Variants in KALRN observed in about 807,000 individuals in gnomAD.
The protein encoded by KALRN is kalirin RhoGEF kinase.
In KALRN, 70 loss-of-function variants were observed where a neutral mutation model predicts 353.7. The ratio of observed to expected loss-of-function variants is 0.20; its 90% CI spans 0.16 to 0.24. The LOEUF (loss-of-function observed/expected upper bound fraction) is 0.24, where lower values mean the gene tolerates loss of function less well. Among genes scored for constraint, KALRN ranks in the 10% least tolerant of loss-of-function variants. The pLI is 1.00. For synonymous variants in KALRN, 1,391 were observed against 1,434.8 expected, an observed-to-expected ratio of 0.97 and a Z score of 0.69; for missense variants, 2,791 against 3,756.7, an observed-to-expected ratio of 0.74 and a Z score of 6.72.
At chr3:124,543,544 G>A (rs534876413) in intron 33 of KALRN, among the ~76,000 whole-genome samples, 144 of 152,018 alleles carry the variant, frequency 9.5e-4, no homozygotes, top group African/African-American at 3.0e-3. Context: ...CTCTTGATCC[G>A]CCCACCTCGG....
chr3:124,137,347 G>C (rs116598040), intron 1 of KALRN, among the ~76,000 whole-genome samples: 1 of 152,168 alleles, frequency 6.6e-6, no homozygotes, highest in Non-Finnish European at 1.5e-5. Flanking sequence ...CCAGTTGGCT[G>C]TGTGGCTGGG....
In KALRN at chr3:124,458,373, C is replaced by T. The variant is rs559215885; in HGVS notation, c.3854+1645C>T. ...TTTTCCTGTTTGGTTTTATTTTGCT[C>T]TGTGTAAGTCCTATTGATTCTTTAA... On this transcript the variant is annotated intron_variant, in intron 23 of 59. Transcript: ENST00000682506. Among the ~76,000 whole-genome samples the T allele has an allele frequency of 1.8e-4, 27 of 148,316 alleles. 1 individual carries two copies. In the South Asian group the frequency reaches 5.3e-3, roughly 29 times the overall value.
At chr3:124,405,194 T>TA (rs949026292) in intron 13 of KALRN, among the ~76,000 whole-genome samples, 1 of 152,230 alleles carries the variant, frequency 6.6e-6, no homozygotes, top group Non-Finnish European at 1.5e-5. Context: ...CGTCCTTTTT[T>TA]AAAAAAATCA....
intron 23 of KALRN, among the ~76,000 whole-genome samples, chr3:124,459,409 A>G (rs2107647491): frequency 6.6e-6 from 1 of 152,336 alleles, no homozygotes; most frequent in Admixed American, 6.5e-5. Flanking sequence ...AAGAATGAAT[A>G]GGGGCCAGAA....
intron 1 of KALRN, among the ~76,000 whole-genome samples, chr3:124,088,862 T>C (rs2060958205): frequency 6.6e-6 from 1 of 152,316 alleles, no homozygotes; most frequent in Non-Finnish European, 1.5e-5. Flanking sequence ...CTAGTTTTTT[T>C]TTTCTTTTTG....
chr3:124,573,615 C>T (rs2073786978), intron 34 of KALRN, among the ~76,000 whole-genome samples: 1 of 152,130 alleles, frequency 6.6e-6, no homozygotes, highest in Non-Finnish European at 1.5e-5. Context: ...GATCCTTCTG[C>T]CTCAGCAACC....
Position 124,434,565 on chromosome 3 carries a change from C to T in KALRN, c.3048+40C>T, listed in dbSNP as rs748249346. On this transcript the variant is annotated intron_variant, in intron 17 of 59. Coordinates refer to ENST00000682506, the MANE Select transcript of KALRN (RefSeq NM_001388419.1). Reference sequence around the variant, plus strand: ...TGTGGGGCTTGTGGGGCTGAGATTGCCAGGGGGCCATTTTCTGCCTTGCAG... The same window carrying T: ...TGTGGGGCTTGTGGGGCTGAGATTGTCAGGGGGCCATTTTCTGCCTTGCAG... 6 of 1,589,882 alleles carry T rather than the reference C, an allele frequency of 3.8e-6. No homozygotes were observed. In the South Asian group the frequency reaches 5.6e-5, roughly 15 times the overall value.
intron 5 of KALRN, among the ~76,000 whole-genome samples, chr3:124,270,367 A>G (rs1345454182): frequency 6.6e-6 from 1 of 152,182 alleles, no homozygotes; most frequent in East Asian, 1.9e-4. Context: ...TATAAGTGTG[A>G]TCCCAATTTA....
At chr3:124,324,243 G>C (rs1053114225) in intron 6 of KALRN, among the ~76,000 whole-genome samples, 2 of 152,166 alleles carry the variant, frequency 1.3e-5, no homozygotes, top group Non-Finnish European at 1.5e-5. Context: ...ATTGTCTCAA[G>C]GTCTGCTTTG....
rs767406418 is a variant in KALRN at position 124,694,418 on chromosome 3, C to T, written c.7492C>T (p.Pro2498Ser). ...VILQCKVCGR[P>S]KPTITWKGPD... is the part of the protein sequence containing the mutation. ...ACTGCAGTGCAAAGTCTGTGGGCGG[C>T]CAAAGCCCACCATCACTTGGAAGGG... The change falls in exon 53 of 60, where the codon CCA becomes TCA. Residue 2498 changes from proline (P) to serine (S), a missense_variant. Physicochemically the swap from Pro to Ser is moderately conservative, Grantham distance 74. Coordinates refer to ENST00000682506, the MANE Select transcript of KALRN (RefSeq NM_001388419.1). 1.2e-6 allele frequency: 2 copies of T among 1,614,108 alleles called. No homozygotes were observed. Among genetic ancestry groups the T allele is most frequent in the Non-Finnish European group, 1.7e-6 (2 of 1,179,946 alleles).
At chr3:124,565,477 C>T (rs2072690178) in intron 34 of KALRN, among the ~76,000 whole-genome samples, 1 of 152,150 alleles carries the variant, frequency 6.6e-6, no homozygotes, top group African/African-American at 2.4e-5. Context: ...ATTCAATGCA[C>T]TTTAGTTGTC....
chr3:124,307,711 T>A (rs1444752), intron 6 of KALRN, among the ~76,000 whole-genome samples: 40,287 of 151,726 alleles, frequency 0.27, 6,312 homozygotes, highest in East Asian at 0.67. Context: ...AGTACAGGGT[T>A]ATAGAAGTAT....
chr3:124,279,873 G>C (rs2075167664), intron 5 of KALRN, among the ~76,000 whole-genome samples: 1 of 152,216 alleles, frequency 6.6e-6, no homozygotes, highest in East Asian at 1.9e-4. Flanking sequence ...GAAATGTTTA[G>C]CCAGGGTTTG....
intron 1 of KALRN, among the ~76,000 whole-genome samples, chr3:124,044,887 TTCCTTCCTTCCTTCCTTC>T (rs1559863583): frequency 0.066 from 1,739 of 26,302 alleles, 87 homozygotes; most frequent in African/African-American, 0.11. Context: ...CCTTCCTTCC[TTCCTTCCTTCCTTCCTTC>T]CTTCCTTCTC....
chr3:124,485,189 T>C (rs1577330594), intron 28 of KALRN, among the ~76,000 whole-genome samples: 1 of 152,192 alleles, frequency 6.6e-6, no homozygotes, highest in South Asian at 2.1e-4. Context: ...AATGTATGTA[T>C]CCCACCCAAA....
At chr3:124,626,459 T>C (rs1050833169) in intron 34 of KALRN, among the ~76,000 whole-genome samples, 1 of 152,236 alleles carries the variant, frequency 6.6e-6, no homozygotes, top group Non-Finnish European at 1.5e-5. Flanking sequence ...TCTATATTTT[T>C]CTGTATTTTA....
At chr3:124,533,626 T>G in intron 33 of KALRN, among the ~76,000 whole-genome samples, 1 of 152,012 alleles carries the variant, frequency 6.6e-6, no homozygotes, top group South Asian at 2.1e-4. Flanking sequence ...GCCCGGGTGA[T>G]GGGAGAAGTG....
intron 1 of KALRN, among the ~76,000 whole-genome samples, chr3:124,195,808 C>T (rs1234487204): frequency 6.6e-6 from 1 of 152,212 alleles, no homozygotes; most frequent in Non-Finnish European, 1.5e-5. Context: ...AAAGGCCTGC[C>T]TACCTGCCAG....
chr3:124,427,497 C>T (rs1445627), intron 15 of KALRN, among the ~76,000 whole-genome samples: 18,425 of 152,208 alleles, frequency 0.12, 1,867 homozygotes, highest in East Asian at 0.49. Flanking sequence ...CATCTACAGG[C>T]GGCTTCCCAG....
Sources: gnomAD v4.1 joint callset for allele counts (sites outside exome capture counted in the v4.1 genomes callset) on GRCh38, gnomAD v4.1.1 for gene constraint, MANE v1.5 for transcripts, NCBI Gene and HGNC (gene_info 2026-07-23, HGNC 2026-07-21) for gene names.